PDIA4: variants seen among roughly 807,000 people sequenced by gnomAD.
PDIA4 encodes the protein protein disulfide isomerase family A member 4.
PDIA4 carries 33 observed loss-of-function variants against 62.1 expected under a neutral mutation model. The observed-to-expected ratio is 0.53, with a 90% CI of 0.40 to 0.71. PDIA4 has a LOEUF of 0.71. Ranked by LOEUF, PDIA4 falls within the 30% of genes least tolerant of loss-of-function variation. The pLI, the probability that PDIA4 is intolerant of heterozygous loss-of-function variation, is 0.00. For missense variants in PDIA4, 804 were observed against 813.6 expected (o/e 0.99, Z 0.14); for synonymous variants, 341 against 324.1 (o/e 1.05, Z -0.56).
rs1224099480 is a variant in PDIA4, at chr7:149,003,735, C to A, written c.*59G>T. ...TTGTTGCCGGCCTCGGCGTGGACGCCCCGACCATGGGCCACGCAGGGCGTC... is the reference window on the plus strand; with the variant it reads ...TTGTTGCCGGCCTCGGCGTGGACGCACCGACCATGGGCCACGCAGGGCGTC... On this transcript the variant is annotated 3_prime_UTR_variant, in exon 10 of 10. Transcript: ENST00000652332. The A allele has an allele frequency of 3.6e-6, 5 of 1,382,352 alleles. No individual in the cohort carries two copies. Among genetic ancestry groups the A allele is most frequent in the Non-Finnish European group, 4.8e-6 (5 of 1,042,410 alleles). 85.6% of individuals were successfully genotyped at this position (1,382,352 alleles called of 1,614,324 possible). A position where few individuals can be genotyped will look rare whatever the true frequency, so the allele number is the denominator to read the frequency against.
chr7:149,012,028 G>A, intron 5 of PDIA4, 24 bp from the exon 6 acceptor site: 1 of 1,595,456 alleles, frequency 6.3e-7, no homozygotes. Flanking sequence ...ACACGCCTGA[G>A]CAGGGGCACT....
chr7:149,013,261 C>T (rs950513928), intron 4 of PDIA4, among the ~76,000 whole-genome samples: 1 of 152,142 alleles, frequency 6.6e-6, no homozygotes, highest in Non-Finnish European at 1.5e-5. Flanking sequence ...AAAGAACCAA[C>T]ATCCCACACC....
At chr7:149,014,200 G>A (rs192093966) in intron 4 of PDIA4, among the ~76,000 whole-genome samples, 1 of 152,158 alleles carries the variant, frequency 6.6e-6, no homozygotes. Flanking sequence ...TGACCCCACA[G>A]TGCAGAAGGT....
chr7:149,005,431 G>T, intron 8 of PDIA4, 57 bp from the exon 9 acceptor site: 2 of 1,112,324 alleles, frequency 1.8e-6, no homozygotes, highest in South Asian at 1.2e-5. Context: ...TCCCAGCTCA[G>T]ACTCTGAGGT....
At chr7:149,022,088 T>C (rs1449600026) in intron 1 of PDIA4, among the ~76,000 whole-genome samples, 2 of 152,132 alleles carry the variant, frequency 1.3e-5, no homozygotes, top group African/African-American at 4.8e-5. Flanking sequence ...AAACAAGTAC[T>C]CAATCTTTTC....
chr7:149,026,607 C>T lies in PDIA4; in HGVS notation c.88+1714G>A, dbSNP rs1419971648. On this transcript the variant is annotated intron_variant, in intron 1 of 9. Transcript: ENST00000652332. ...CAGAGGTTGTGGTGAGCTGAGATCG[C>T]GTCACTGCACTCCAGCCTGGGCGAC... 3.3e-5 allele frequency among the ~76,000 whole-genome samples: 5 copies of T among 151,438 alleles called. No individual in the cohort carries two copies. The South Asian group carries it at 6.3e-4, about 19-fold the overall frequency.
At chr7:149,025,168 A>C (rs1305825655) in intron 1 of PDIA4, among the ~76,000 whole-genome samples, 1 of 151,642 alleles carries the variant, frequency 6.6e-6, no homozygotes, top group Non-Finnish European at 1.5e-5. Context: ...CATGAGACAA[A>C]TGAATTCCCA....
chr7:149,028,468 C>G lies in PDIA4; in HGVS notation c.-60G>C. 1 of 1,206,428 alleles carries G rather than the reference C, an allele frequency of 8.3e-7. No individual in the cohort carries two copies. Among genetic ancestry groups the G allele is most frequent in the South Asian group, 1.5e-5 (1 of 65,610 alleles). The allele number at this position is 1,206,428 out of a possible 1,614,324, so 74.7% of individuals were successfully genotyped here. On this transcript the variant is annotated 5_prime_UTR_variant, in exon 1 of 10. Coordinates refer to ENST00000652332, the MANE Select transcript of PDIA4 (RefSeq NM_004911.5). ...GCGGCCGCTGAGCGCACCGAGAACT[C>G]GGGGTCTGGCCGACAGCCCGTCGCT...
chr7:149,017,634 A>T (rs570084119), intron 3 of PDIA4, among the ~76,000 whole-genome samples: 1 of 146,630 alleles, frequency 6.8e-6, no homozygotes, highest in African/African-American at 2.6e-5. Flanking sequence ...TTATCAAAAT[A>T]AAATTAAATA....
chr7:149,023,071 C>T (rs1824412624), intron 1 of PDIA4, among the ~76,000 whole-genome samples: 1 of 152,206 alleles, frequency 6.6e-6, no homozygotes, highest in Non-Finnish European at 1.5e-5. Context: ...CCTGCCACCC[C>T]TCCCTCCACA....
chr7:149,015,878 G>A (rs534024656), intron 3 of PDIA4, among the ~76,000 whole-genome samples: 3 of 152,368 alleles, frequency 2.0e-5, no homozygotes, highest in African/African-American at 7.2e-5. Context: ...ACACATAGGA[G>A]GCCTCTTTAT....
intron 6 of PDIA4, 32 bp downstream of exon 6, chr7:149,011,814 C>T: frequency 1.3e-6 from 2 of 1,507,836 alleles, no homozygotes; most frequent in Non-Finnish European, 8.9e-7. Flanking sequence ...AAGGCACGCA[C>T]ATTTTGTTCA....
intron 1 of PDIA4, among the ~76,000 whole-genome samples, chr7:149,026,804 A>G (rs1376581524): frequency 7.9e-5 from 12 of 151,176 alleles, no homozygotes; most frequent in African/African-American, 2.9e-4. Flanking sequence ...ATCTAGGAAA[A>G]AAAAAAAAAA....
chr7:149,017,358 C>T (rs1443221654), intron 3 of PDIA4, among the ~76,000 whole-genome samples: 1 of 152,094 alleles, frequency 6.6e-6, no homozygotes, highest in African/African-American at 2.4e-5. Flanking sequence ...CCGAGGTGGG[C>T]GGATCACCTG....
At chr7:149,008,497 G>A (rs565598953) in intron 6 of PDIA4, among the ~76,000 whole-genome samples, 187 bp from the exon 7 acceptor site, 1 of 152,062 alleles carries the variant, frequency 6.6e-6, no homozygotes, top group African/African-American at 2.4e-5. Context: ...GAGGTTAGGA[G>A]TTTGAGACCA....
intron 6 of PDIA4, 64 bp from the exon 7 acceptor site, chr7:149,008,374 T>C (rs1823832389): frequency 2.6e-6 from 4 of 1,510,900 alleles, no homozygotes; most frequent in Non-Finnish European, 1.8e-6. Flanking sequence ...ATTTAATTCG[T>C]TACCCACATC....
Position 149,005,944 on chromosome 7 carries a change from AG to A in PDIA4, c.1240del (p.Leu414TrpfsTer26). ...GTCCACACTGTAGTAGACGACCACC[AG>A]GGGGCGCCTGGTGTAGCGCTTAGCA... The part of the protein sequence containing the change: ...NDAKRYTRRP[L>X]VVVYYSVDFS... On this transcript the variant is annotated frameshift_variant, in exon 8 of 10. Coordinates refer to ENST00000652332, the MANE Select transcript of PDIA4 (RefSeq NM_004911.5). LOFTEE classifies it high-confidence loss of function. 1.3e-6 allele frequency: 2 copies of A among 1,531,930 alleles called. No homozygotes were observed. Among genetic ancestry groups the A allele is most frequent in the Non-Finnish European group, 1.7e-6 (2 of 1,151,242 alleles). 94.9% of individuals were successfully genotyped at this position (1,531,930 alleles called of 1,614,324 possible). A position where few individuals can be genotyped will look rare whatever the true frequency, so the allele number is the denominator to read the frequency against.
rs552460687 is a variant in PDIA4 at position 149,016,261 on chromosome 7, G to C, written c.476-1219C>G. 5.3e-5 allele frequency among the ~76,000 whole-genome samples: 8 copies of C among 152,268 alleles called. No homozygotes were observed. The East Asian group carries it at 1.5e-3, about 29-fold the overall frequency. Reference sequence around the variant, plus strand: ...TTCGGTGAGCCAAGATTGCACCACTGCACACTCCAGCCTGGGAGACAGAGG... The same window carrying C: ...TTCGGTGAGCCAAGATTGCACCACTCCACACTCCAGCCTGGGAGACAGAGG... On this transcript the variant is annotated intron_variant, in intron 3 of 9. Coordinates refer to ENST00000652332, the MANE Select transcript of PDIA4 (RefSeq NM_004911.5).
rs375436235 is a variant in PDIA4 at position 149,027,938 on chromosome 7, C to T, written c.88+383G>A. The T allele has an allele frequency of 5.4e-5, 27 of 497,614 alleles. No individual in the cohort carries two copies. In the East Asian group the frequency reaches 1.4e-3, roughly 26 times the overall value. The allele number at this position is 497,614 out of a possible 1,614,324, so 30.8% of individuals were successfully genotyped here. A position where few individuals can be genotyped will look rare whatever the true frequency, so the allele number is the denominator to read the frequency against. The stretch of plus-strand genomic sequence containing the variant: ...CCTTCTCTCCAGTGGCTCTCCCTCT[C>T]CCTTCCCACTGCCTGGGCGCGTTCG... On this transcript the variant is annotated intron_variant, in intron 1 of 9. Coordinates refer to ENST00000652332, the MANE Select transcript of PDIA4 (RefSeq NM_004911.5).
Sources: allele counts gnomAD v4.1 joint callset (sites outside exome capture counted in the v4.1 genomes callset), GRCh38; gene constraint gnomAD v4.1.1; transcripts MANE v1.5; gene names NCBI Gene and HGNC (gene_info 2026-07-23, HGNC 2026-07-21).